Variants in KCNK9 observed in about 807,000 individuals in gnomAD.
KCNK9 encodes potassium channel subfamily K member 9.
KCNK9 carries 1 observed loss-of-function variant against 10.8 expected under a neutral mutation model. The ratio of observed to expected loss-of-function variants is 0.09; its 90% CI spans 0.03 to 0.44. KCNK9 has a LOEUF of 0.44. KCNK9 is among the 20% of genes least tolerant of loss of function. KCNK9 has a pLI of 0.97. For missense variants in KCNK9, 303 were observed against 515.0 expected, an observed-to-expected ratio of 0.59 and a Z score of 3.98; for synonymous variants, 231 against 222.7, an observed-to-expected ratio of 1.04 and a Z score of -0.33.
chr8:139,621,466 G>T (rs548563192), intron 1 of KCNK9, among the ~76,000 whole-genome samples: 1 of 152,048 alleles, frequency 6.6e-6, no homozygotes, highest in Non-Finnish European at 1.5e-5. Flanking sequence ...ACATACAGGG[G>T]AACAATAATA....
intron 1 of KCNK9, among the ~76,000 whole-genome samples, chr8:139,671,240 G>A (rs1311410206): frequency 3.3e-5 from 5 of 152,184 alleles, no homozygotes; most frequent in South Asian, 2.1e-4. Context: ...CTGTGGCAGC[G>A]GGCACATCCC....
At chr8:139,699,266 C>T (rs1336444095) in intron 1 of KCNK9, among the ~76,000 whole-genome samples, 1 of 152,116 alleles carries the variant, frequency 6.6e-6, no homozygotes, top group African/African-American at 2.4e-5. Context: ...GAGGCTAAAG[C>T]GCCTGCTGAA....
intron 1 of KCNK9, among the ~76,000 whole-genome samples, chr8:139,667,257 C>T (rs906741298): frequency 6.6e-6 from 1 of 152,336 alleles, no homozygotes; most frequent in African/African-American, 2.4e-5. Flanking sequence ...CCATCCTTGC[C>T]GCCCAGGCAG....
intron 1 of KCNK9, among the ~76,000 whole-genome samples, chr8:139,641,187 G>A (rs1038355914): frequency 8.5e-5 from 13 of 152,084 alleles, no homozygotes; most frequent in East Asian, 3.9e-4. Flanking sequence ...TGGGGGTAGC[G>A]GTGTGTGCTG....
chr8:139,621,282 C>T (rs1358970540), intron 1 of KCNK9, among the ~76,000 whole-genome samples: 8 of 138,672 alleles, frequency 5.8e-5, no homozygotes, highest in Non-Finnish European at 1.1e-4. Flanking sequence ...CAGAGCGAGA[C>T]TCCATCTCAA....
chr8:139,656,585 C>A (rs1257011282), intron 1 of KCNK9, among the ~76,000 whole-genome samples: 2 of 152,214 alleles, frequency 1.3e-5, no homozygotes, highest in Non-Finnish European at 2.9e-5. Context: ...CATCCATTCA[C>A]CCCAACCTTC....
chr8:139,607,761 A>G (rs1438775332), downstream of KCNK9, among the ~76,000 whole-genome samples: 1 of 152,126 alleles, frequency 6.6e-6, no homozygotes, highest in East Asian at 1.9e-4. Flanking sequence ...CCACTGCTGG[A>G]AAGACTGGGC....
intron 1 of KCNK9, among the ~76,000 whole-genome samples, chr8:139,689,410 G>C (rs1042106374): frequency 1.3e-5 from 2 of 152,170 alleles, no homozygotes; most frequent in Non-Finnish European, 2.9e-5. Flanking sequence ...ATCATGGTGA[G>C]GAGTAGGTGG....
At chr8:139,642,651 G>A (rs1050000907) in intron 1 of KCNK9, among the ~76,000 whole-genome samples, 1 of 152,216 alleles carries the variant, frequency 6.6e-6, no homozygotes, top group Non-Finnish European at 1.5e-5. Context: ...TCAGTGGGGA[G>A]CAGCCACTTC....
chr8:139,702,494 C>G lies in KCNK9; in HGVS notation c.283+216G>C, dbSNP rs1239542006. ...CTCGCACGCCCGGCCCAGACACCAGCGCGGTGGAGAGCACCGGGTGGGGTC... is the reference window on the plus strand; with the variant it reads ...CTCGCACGCCCGGCCCAGACACCAGGGCGGTGGAGAGCACCGGGTGGGGTC... On this transcript the variant is annotated intron_variant, in intron 1 of 1. Coordinates refer to ENST00000520439, the MANE Select transcript of KCNK9 (RefSeq NM_001282534.2). The surrounding 1 kb of genome is among the most constrained non-coding windows in gnomAD (Gnocchi z 7.5). 6.6e-6 allele frequency among the ~76,000 whole-genome samples: 1 copy of G among 152,208 alleles called. No individual in the cohort carries two copies. The highest frequency in any genetic ancestry group is 1.5e-5 in the Non-Finnish European group (1 of 68,030).
chr8:139,702,951 G>A lies in KCNK9; in HGVS notation c.42C>T (p.Cys14=), dbSNP rs1230435951. Residue 14 remains cysteine, a synonymous_variant, in exon 1 of 2, where the codon TGC becomes TGT. Coordinates refer to ENST00000520439, the MANE Select transcript of KCNK9 (RefSeq NM_001282534.2). The surrounding 1 kb of genome is among the most constrained non-coding windows in gnomAD (Gnocchi z 7.5). ...QNVRTLSLIV[C]TFTYLLVGAA... ...CGCCCACCAGCAGGTAGGTGAAGGT[G>A]CAGACGATGAGGGACAGAGTCCGCA... The A allele has an allele frequency of 1.2e-6, 2 of 1,609,690 alleles. No homozygotes were observed. Among genetic ancestry groups the A allele is most frequent in the East Asian group, 2.2e-5 (1 of 44,584 alleles).
At chr8:139,685,091 G>A (rs1251496380) in intron 1 of KCNK9, among the ~76,000 whole-genome samples, 3 of 140,176 alleles carry the variant, frequency 2.1e-5, no homozygotes, top group Non-Finnish European at 4.7e-5. Flanking sequence ...ATAGGTTTGT[G>A]TAGAACTTTA....
At chr8:139,659,961 G>T (rs1816110709) in intron 1 of KCNK9, among the ~76,000 whole-genome samples, 1 of 152,120 alleles carries the variant, frequency 6.6e-6, no homozygotes, top group African/African-American at 2.4e-5. Context: ...CCCTATTTGT[G>T]ATAACAGGAA....
At chr8:139,654,864 G>A (rs1815977969) in intron 1 of KCNK9, among the ~76,000 whole-genome samples, 1 of 152,114 alleles carries the variant, frequency 6.6e-6, no homozygotes, top group African/African-American at 2.4e-5. Context: ...AGGATGGCTG[G>A]GTGGGTGCAG....
At chr8:139,639,620 A>T (rs1815440116) in intron 1 of KCNK9, among the ~76,000 whole-genome samples, 1 of 152,244 alleles carries the variant, frequency 6.6e-6, no homozygotes, top group Non-Finnish European at 1.5e-5. Flanking sequence ...GCATGTGACG[A>T]AGGGGCAGAC....
At chr8:139,673,028 C>T (rs1271117355) in intron 1 of KCNK9, among the ~76,000 whole-genome samples, 1 of 152,204 alleles carries the variant, frequency 6.6e-6, no homozygotes, top group East Asian at 1.9e-4. Flanking sequence ...ACCCACCTAC[C>T]ACGTGCAGAA....
intron 1 of KCNK9, among the ~76,000 whole-genome samples, chr8:139,680,491 A>T (rs1009521587): frequency 2.0e-5 from 3 of 152,098 alleles, no homozygotes; most frequent in Non-Finnish European, 4.4e-5. Flanking sequence ...GGGCTGGAGG[A>T]GGGACAGGAA....
intron 2 of KCNK9, among the ~76,000 whole-genome samples, chr8:139,604,052 C>A (rs1295672275): frequency 6.6e-6 from 1 of 152,152 alleles, no homozygotes; most frequent in East Asian, 1.9e-4. Context: ...CCAGGAAGTT[C>A]TCCTTCAGGG....
chr8:139,698,746 G>A lies in KCNK9; in HGVS notation c.283+3964C>T, dbSNP rs187067066. On this transcript the variant is annotated intron_variant, in intron 1 of 1. Transcript: ENST00000520439. ...GGTGCTCGCCCAGAGTGTGAACCAC[G>A]TACCAAAAACTGCACCAAGAGTGCC... is the stretch of plus-strand genomic sequence containing the variant. 3.0e-3 allele frequency among the ~76,000 whole-genome samples: 463 copies of A among 152,316 alleles called. 3 individuals are homozygous for A. Among genetic ancestry groups the A allele is most frequent in the African/African-American group, 0.01 (430 of 41,564 alleles).
Sources: allele counts gnomAD v4.1 joint callset (sites outside exome capture counted in the v4.1 genomes callset), GRCh38; gene constraint gnomAD v4.1.1; non-coding constraint Gnocchi (gnomAD v3.1); transcripts MANE v1.5; gene names NCBI Gene and HGNC (gene_info 2026-07-23, HGNC 2026-07-21).